Variants in TTC23 observed in about 807,000 individuals in gnomAD.
TTC23 encodes tetratricopeptide repeat domain 23.
In TTC23, 58 loss-of-function variants were observed where a neutral mutation model predicts 55.1. That is an observed-to-expected ratio of 1.05 (90% CI 0.85 to 1.31). The LOEUF is 1.31. Among genes scored for constraint, TTC23 ranks in the 50% most tolerant of loss-of-function variants. The pLI is 0.00. For synonymous variants in TTC23, 203 were observed against 199.9 expected, an observed-to-expected ratio of 1.02 and a Z score of -0.13; for missense variants, 516 against 534.4, an observed-to-expected ratio of 0.97 and a Z score of 0.34.
intron 8 of TTC23, among the ~76,000 whole-genome samples, chr15:99,208,668 CATTGTGAGTACACT>C (rs1184322956): frequency 6.6e-6 from 1 of 152,040 alleles, no homozygotes; most frequent in Non-Finnish European, 1.5e-5. Context: ...TTCTGAAGCT[CATTGTGAGTACACT>C]ATTCACATAA....
rs184494240 is a variant in TTC23, at chr15:99,220,351, T to G, written c.305-1303A>C. On this transcript the variant is annotated intron_variant, in intron 6 of 13. Coordinates refer to ENST00000394132, the MANE Select transcript of TTC23 (RefSeq NM_001288615.3). ...TGGTAGATACTACTTTTACTTTAAA[T>G]TGAGAAAGAAGGACTGTCACGCAGA... 1.0e-3 allele frequency among the ~76,000 whole-genome samples: 152 copies of G among 152,286 alleles called. 1 individual carries two copies. The highest frequency in any genetic ancestry group is 3.4e-3 in the Middle Eastern group (1 of 294).
chr15:99,228,724 C>T lies in TTC23; in HGVS notation c.-12G>A. The T allele has an allele frequency of 2.6e-6, 4 of 1,553,242 alleles. No homozygotes were observed. Among genetic ancestry groups the T allele is most frequent in the Non-Finnish European group, 3.5e-6 (4 of 1,150,452 alleles). ...TGTGATTCTTGCATATTTTTATATA[C>T]ATTGTCTTCTAATTTTAAAATAAAA... On this transcript the variant is annotated 5_prime_UTR_variant, in exon 5 of 14. It removes an upstream start codon present in the reference 5' UTR. Coordinates refer to ENST00000394132, the MANE Select transcript of TTC23 (RefSeq NM_001288615.3).
intron 9 of TTC23, among the ~76,000 whole-genome samples, chr15:99,176,363 G>A (rs2073550683): frequency 6.6e-6 from 1 of 152,166 alleles, no homozygotes; most frequent in African/African-American, 2.4e-5. Context: ...TGTACTCCCA[G>A]CAGTTTGGGG....
At chr15:99,190,330 T>C (rs1447456230) in intron 9 of TTC23, among the ~76,000 whole-genome samples, 1 of 150,794 alleles carries the variant, frequency 6.6e-6, no homozygotes, top group Non-Finnish European at 1.5e-5. Context: ...TGGAGTGCAG[T>C]GATGTGATCT....
chr15:99,202,863 G>A (rs1000529085), intron 8 of TTC23, among the ~76,000 whole-genome samples: 2 of 152,228 alleles, frequency 1.3e-5, no homozygotes, highest in Admixed American at 6.5e-5. Flanking sequence ...TTGAACCTTG[G>A]TTCCGTCATC....
upstream of TTC23, among the ~76,000 whole-genome samples, chr15:99,250,288 C>G (rs1420297103): frequency 6.6e-6 from 1 of 152,154 alleles, no homozygotes; most frequent in Non-Finnish European, 1.5e-5. Context: ...CTCTTGAAGA[C>G]CAGATTTAAT....
At chr15:99,196,822 T>A (rs1567453913) in intron 9 of TTC23, among the ~76,000 whole-genome samples, 1 of 152,192 alleles carries the variant, frequency 6.6e-6, no homozygotes, top group East Asian at 1.9e-4. Context: ...AAAACCTTCA[T>A]CTGCCCTTAG....
chr15:99,223,913 G>C lies in TTC23; in HGVS notation c.181-2049C>G, dbSNP rs538701902. Among the ~76,000 whole-genome samples, 5 of 152,342 alleles carry C rather than the reference G, an allele frequency of 3.3e-5. No homozygotes were observed. In the East Asian group the frequency reaches 9.6e-4, roughly 29 times the overall value. The stretch of plus-strand genomic sequence containing the variant: ...CAAGAGAGATGGCTGAAGAAAGAAA[G>C]CTGAAGGGGTCAAAGCAGAGGAAGA... On this transcript the variant is annotated intron_variant, in intron 5 of 13. Coordinates refer to ENST00000394132, the MANE Select transcript of TTC23 (RefSeq NM_001288615.3).
intron 12 of TTC23, among the ~76,000 whole-genome samples, chr15:99,153,895 A>G (rs1291967761): frequency 6.6e-6 from 1 of 152,214 alleles, no homozygotes; most frequent in East Asian, 1.9e-4. Context: ...AGAAATTATA[A>G]TGGGAAGATA....
chr15:99,183,497 A>ATTTTTTTT (rs56660145), intron 9 of TTC23, among the ~76,000 whole-genome samples: 6 of 100,852 alleles, frequency 5.9e-5, no homozygotes, highest in African/African-American at 1.1e-4. Context: ...GATTTTTTGT[A>ATTTTTTTT]TTTTTTTTTT....
chr15:99,233,574 T>C (rs62025699), intron 4 of TTC23, among the ~76,000 whole-genome samples: 20,812 of 152,154 alleles, frequency 0.14, 1,453 homozygotes, highest in African/African-American at 0.15. Flanking sequence ...CTTAGCAAAG[T>C]AGGAATAGAA....
At chr15:99,244,501 C>A (rs1179604565) in intron 2 of TTC23, among the ~76,000 whole-genome samples, 1 of 151,706 alleles carries the variant, frequency 6.6e-6, no homozygotes, top group African/African-American at 2.4e-5. Flanking sequence ...TATATGTCAG[C>A]AATAAATAAT....
chr15:99,229,786 T>A (rs2152071459), intron 4 of TTC23, among the ~76,000 whole-genome samples: 1 of 152,336 alleles, frequency 6.6e-6, no homozygotes, highest in Non-Finnish European at 1.5e-5. Context: ...ACTGAAAAAA[T>A]TTCTAATTCA....
intron 8 of TTC23, among the ~76,000 whole-genome samples, chr15:99,200,637 A>G (rs1368931432): frequency 6.6e-6 from 1 of 152,196 alleles, no homozygotes; most frequent in Non-Finnish European, 1.5e-5. Context: ...TAGTTTGGGC[A>G]TAAACTTTTC....
At chr15:99,173,559 C>A (rs922392431) in intron 10 of TTC23, among the ~76,000 whole-genome samples, 15 of 152,074 alleles carry the variant, frequency 9.9e-5, no homozygotes, top group African/African-American at 3.6e-4. Flanking sequence ...GCATTCCAGC[C>A]TGGGTGACAG....
intron 11 of TTC23, 60 bp downstream of exon 11, chr15:99,161,680 G>A: frequency 6.4e-7 from 1 of 1,561,162 alleles, no homozygotes; most frequent in East Asian, 2.2e-5. Flanking sequence ...CAGAGTAAAG[G>A]AGTTGCCCTT....
chr15:99,205,878 T>C (rs963149422), intron 8 of TTC23, among the ~76,000 whole-genome samples: 1 of 152,358 alleles, frequency 6.6e-6, no homozygotes, highest in Non-Finnish European at 1.5e-5. Context: ...GGCAAGCCTG[T>C]CTTGTCCCAG....
At chr15:99,193,223 G>T (rs866680858) in intron 9 of TTC23, among the ~76,000 whole-genome samples, 1 of 152,164 alleles carries the variant, frequency 6.6e-6, no homozygotes, top group African/African-American at 2.4e-5. Context: ...AGGACTGTTG[G>T]GAAGGCATGA....
Position 99,245,491 on chromosome 15 carries a change from G to A in TTC23, c.-411C>T, listed in dbSNP as rs867633282. ...ATCACACCACTATACTCCAGCCTGG[G>A]TGACAGAGCGAGACTCCATCTCAAA... On this transcript the variant is annotated 5_prime_UTR_variant, in exon 2 of 14. Transcript: ENST00000394132. 4 of 148,374 alleles carry A rather than the reference G, an allele frequency of 2.7e-5. No individual in the cohort carries two copies. Among genetic ancestry groups the A allele is most frequent in the South Asian group, 4.4e-4 (2 of 4,590 alleles). The allele number at this position is 148,374 out of a possible 1,614,324, so 9.2% of individuals were successfully genotyped here.
Sources: gnomAD v4.1 joint callset for allele counts (sites outside exome capture counted in the v4.1 genomes callset) on GRCh38, gnomAD v4.1.1 for gene constraint, MANE v1.5 for transcripts, NCBI Gene and HGNC (gene_info 2026-07-23, HGNC 2026-07-21) for gene names.